Variants in GFRA1 observed in about 807,000 individuals in gnomAD.
The protein encoded by GFRA1 is GDNF family receptor alpha-1.
In GFRA1, 16 loss-of-function variants were observed where a neutral mutation model predicts 51.6. The ratio of observed to expected loss-of-function variants is 0.31; its 90% CI spans 0.21 to 0.47. The LOEUF is 0.47. Ranked by LOEUF, GFRA1 falls within the 20% of genes least tolerant of loss-of-function variation. The pLI is 1.00. For synonymous variants in GFRA1, 270 were observed against 241.3 expected, an observed-to-expected ratio of 1.12 and a Z score of -1.10; for missense variants, 530 against 594.3, an observed-to-expected ratio of 0.89 and a Z score of 1.13.
At chr10:116,245,590 C>A (rs1304243265) in intron 4 of GFRA1, among the ~76,000 whole-genome samples, 1 of 152,138 alleles carries the variant, frequency 6.6e-6, no homozygotes, top group Non-Finnish European at 1.5e-5. Flanking sequence ...ACTTACCCAA[C>A]TGAGTTGAAA....
chr10:116,213,557 C>G lies in GFRA1; in HGVS notation c.419-1912G>C, dbSNP rs1314370406. On this transcript the variant is annotated intron_variant, in intron 4 of 10. Coordinates refer to ENST00000355422, the MANE Select transcript of GFRA1 (RefSeq NM_005264.8). ...AATGAACACGCCTTACATTTACAAC[C>G]CAAATTTTAAAACTAAAGTTATTTT... 3.3e-5 allele frequency among the ~76,000 whole-genome samples: 5 copies of G among 152,254 alleles called. No individual in the cohort carries two copies. In the East Asian group the frequency reaches 7.7e-4, roughly 23 times the overall value.
At chr10:116,126,088 G>C (rs1957861513) in intron 5 of GFRA1, among the ~76,000 whole-genome samples, 1 of 152,192 alleles carries the variant, frequency 6.6e-6, no homozygotes, top group African/African-American at 2.4e-5. Context: ...TCTCTAAACA[G>C]GAAGAAGCCA....
intron 9 of GFRA1, among the ~76,000 whole-genome samples, chr10:116,076,522 C>T (rs1306402590): frequency 1.3e-5 from 2 of 152,072 alleles, no homozygotes; most frequent in African/African-American, 4.8e-5. Flanking sequence ...AAGTATTTAC[C>T]GGGTGGAGGG....
intron 5 of GFRA1, among the ~76,000 whole-genome samples, chr10:116,178,473 C>T (rs1187396381): frequency 6.6e-5 from 10 of 152,208 alleles, no homozygotes; most frequent in South Asian, 2.1e-4. Context: ...AGTAGGTACT[C>T]GGCGAGTGTA....
intron 9 of GFRA1, among the ~76,000 whole-genome samples, chr10:116,081,747 T>C (rs2133837087): frequency 1.3e-5 from 2 of 152,194 alleles, no homozygotes; most frequent in East Asian, 3.8e-4. Flanking sequence ...ATGAGATGGT[T>C]TATAATGTTT....
intron 4 of GFRA1, among the ~76,000 whole-genome samples, chr10:116,221,056 AC>A (rs1318755012): frequency 6.6e-6 from 1 of 152,212 alleles, no homozygotes; most frequent in African/African-American, 2.4e-5. Flanking sequence ...CATAAAAGAT[AC>A]TTATTAATAT....
intron 4 of GFRA1, among the ~76,000 whole-genome samples, chr10:116,260,581 A>G (rs553796878): frequency 1.4e-4 from 21 of 152,234 alleles, no homozygotes; most frequent in Non-Finnish European, 8.8e-5. Flanking sequence ...GTATACCTCT[A>G]AAATCTCTCC....
chr10:116,174,959 G>A (rs1162527552), intron 5 of GFRA1, among the ~76,000 whole-genome samples: 3 of 152,082 alleles, frequency 2.0e-5, no homozygotes, highest in African/African-American at 7.2e-5. Flanking sequence ...GCCCCACCAC[G>A]GATCCTGCCT....
chr10:116,133,866 C>T (rs1015804478), intron 5 of GFRA1, among the ~76,000 whole-genome samples: 1 of 152,212 alleles, frequency 6.6e-6, no homozygotes, highest in African/African-American at 2.4e-5. Flanking sequence ...ATGGGAGAAG[C>T]TTTCATATTC....
At chr10:116,100,889 T>A (rs1956792202) in intron 6 of GFRA1, among the ~76,000 whole-genome samples, 1 of 151,920 alleles carries the variant, frequency 6.6e-6, no homozygotes. Flanking sequence ...AAGTCAAAAC[T>A]TCGGACTGGA....
intron 6 of GFRA1, among the ~76,000 whole-genome samples, chr10:116,112,221 C>T (rs2133971216): frequency 6.6e-6 from 1 of 152,294 alleles, no homozygotes; most frequent in African/African-American, 2.4e-5. Context: ...GTGTCAAGCT[C>T]CTTTGCTGGA....
At chr10:116,105,546 C>T (rs1956974400) in intron 6 of GFRA1, among the ~76,000 whole-genome samples, 1 of 152,158 alleles carries the variant, frequency 6.6e-6, no homozygotes, top group Non-Finnish European at 1.5e-5. Context: ...TTTACGCACA[C>T]CCTGTCTTCA....
chr10:116,261,933 T>C (rs1444601760), intron 4 of GFRA1, among the ~76,000 whole-genome samples: 1 of 152,124 alleles, frequency 6.6e-6, no homozygotes, highest in Non-Finnish European at 1.5e-5. Context: ...GGGTAAACGA[T>C]GCTAGAAGCA....
intron 5 of GFRA1, among the ~76,000 whole-genome samples, chr10:116,194,670 G>C (rs920646616): frequency 6.6e-6 from 1 of 151,838 alleles, no homozygotes; most frequent in Non-Finnish European, 1.5e-5. Context: ...TTCAACCCTT[G>C]GCCTACTGAT....
intron 9 of GFRA1, among the ~76,000 whole-genome samples, chr10:116,086,379 T>C (rs1044019751): frequency 6.6e-6 from 1 of 152,200 alleles, no homozygotes; most frequent in Non-Finnish European, 1.5e-5. Context: ...AGCACCATTC[T>C]GGAACGTTTA....
chr10:116,092,949 C>G (rs1956415092), intron 8 of GFRA1, among the ~76,000 whole-genome samples: 1 of 152,192 alleles, frequency 6.6e-6, no homozygotes. Flanking sequence ...TGGCACCGTG[C>G]TTTTGGAGTC....
chr10:116,065,767 T>G (rs1565548824), intron 9 of GFRA1, 141 bp from the exon 10 acceptor site: 5 of 671,342 alleles, frequency 7.4e-6, no homozygotes, highest in Non-Finnish European at 1.3e-5. Flanking sequence ...ATTGAACATT[T>G]TCTAGTAGCC....
intron 5 of GFRA1, among the ~76,000 whole-genome samples, chr10:116,144,009 A>C (rs1958685784): frequency 6.6e-6 from 1 of 152,120 alleles, no homozygotes; most frequent in Non-Finnish European, 1.5e-5. Flanking sequence ...TGATGCTTAA[A>C]TTTTTTTGAG....
chr10:116,103,711 G>A (rs1956899822), intron 6 of GFRA1, among the ~76,000 whole-genome samples: 1 of 152,180 alleles, frequency 6.6e-6, no homozygotes, highest in African/African-American at 2.4e-5. Flanking sequence ...GAATGAAAAG[G>A]CTAAAACACT....
Sources: allele counts gnomAD v4.1 joint callset (sites outside exome capture counted in the v4.1 genomes callset), GRCh38; gene constraint gnomAD v4.1.1; transcripts MANE v1.5; gene names NCBI Gene and HGNC (gene_info 2026-07-23, HGNC 2026-07-21).